SHMT1: variants seen among roughly 807,000 people sequenced by gnomAD.
SHMT1 encodes the protein serine hydroxymethyltransferase, cytosolic.
In SHMT1, 45 loss-of-function variants were observed where a neutral mutation model predicts 49.0. The observed-to-expected ratio is 0.92, with a 90% CI of 0.72 to 1.18. The LOEUF (loss-of-function observed/expected upper bound fraction) is 1.18, where lower values mean the gene tolerates loss of function less well. Among genes scored for constraint, SHMT1 ranks in the 50% most tolerant of loss-of-function variants. SHMT1 has a pLI of 0.00. For missense variants in SHMT1, 541 were observed against 612.4 expected (o/e 0.88, Z 1.23); for synonymous variants, 232 against 246.6 (o/e 0.94, Z 0.55).
At chr17:18,363,230 G>C (rs536262136) in intron 1 of SHMT1, 142 bp downstream of exon 1, 8 of 152,332 alleles carry the variant, frequency 5.3e-5, no homozygotes, top group African/African-American at 1.9e-4. Flanking sequence ...CGACCCAAGC[G>C]CTCCCCTCCC....
At chr17:18,336,508 A>G (rs779193117) in intron 7 of SHMT1, among the ~76,000 whole-genome samples, 10 of 152,074 alleles carry the variant, frequency 6.6e-5, no homozygotes, top group Non-Finnish European at 1.2e-4. Context: ...TCTACTAATA[A>G]TACAAAAATT....
chr17:18,355,753 G>C (rs1986180569), intron 2 of SHMT1, 133 bp downstream of exon 2: 1 of 691,876 alleles, frequency 1.4e-6, no homozygotes, highest in African/African-American at 1.8e-5. Flanking sequence ...TAGCCATTTT[G>C]TCTGCCACCA....
chr17:18,353,450 C>T (rs1337505811), intron 3 of SHMT1: 9 of 591,780 alleles, frequency 1.5e-5, no homozygotes, highest in African/African-American at 1.3e-4. Context: ...AGAAAGCCCC[C>T]AAAGAACTGT....
In SHMT1 at chr17:18,330,714, T is replaced by G. The variant is rs8080285; in HGVS notation, c.1055-43A>C. 30,194 of 1,385,064 alleles carry G rather than the reference T, an allele frequency of 0.022. 2,567 individuals are homozygous for G. The African/African-American group carries it at 0.26, about 12-fold the overall frequency. 85.8% of individuals were successfully genotyped at this position (1,385,064 alleles called of 1,614,324 possible). On this transcript the variant is annotated intron_variant, in intron 9 of 11. Coordinates refer to ENST00000316694, the MANE Select transcript of SHMT1 (RefSeq NM_004169.5). ...CATGTAGAAATGCAGGCGAATTCTATGCCGTGAAGGAATCTCTGAGAAACG... is the reference window on the plus strand; with the variant it reads ...CATGTAGAAATGCAGGCGAATTCTAGGCCGTGAAGGAATCTCTGAGAAACG...
At chr17:18,351,655 T>C (rs935127701) in intron 3 of SHMT1, among the ~76,000 whole-genome samples, 7 of 151,864 alleles carry the variant, frequency 4.6e-5, no homozygotes, top group Non-Finnish European at 8.8e-5. Flanking sequence ...GTGCCTATAG[T>C]CCCAGCTACT....
chr17:18,333,054 T>C, intron 9 of SHMT1, 112 bp downstream of exon 9: 1 of 1,372,170 alleles, frequency 7.3e-7, no homozygotes. Context: ...GGTGGGCCCA[T>C]CATTGCAGCT....
intron 5 of SHMT1, among the ~76,000 whole-genome samples, chr17:18,345,893 G>C (rs1478316078): frequency 6.6e-6 from 1 of 151,960 alleles, no homozygotes; most frequent in Admixed American, 6.6e-5. Context: ...TGTTGGCCAG[G>C]CTGGTCTCGA....
Position 18,360,794 on chromosome 17 carries a change from C to T in SHMT1, c.-20+2578G>A, listed in dbSNP as rs140322564. Among the ~76,000 whole-genome samples the T allele has an allele frequency of 9.2e-5, 14 of 152,184 alleles. No individual in the cohort carries two copies. In the East Asian group the frequency reaches 9.7e-4, roughly 11 times the overall value. On this transcript the variant is annotated intron_variant, in intron 1 of 11. Transcript: ENST00000316694. ...CCAAGGGTCAGAAATCAGGCTTGCACACCTGAAGTCTGGGGAGTCACAGGA... is the reference window on the plus strand; with the variant it reads ...CCAAGGGTCAGAAATCAGGCTTGCATACCTGAAGTCTGGGGAGTCACAGGA...
intron 2 of SHMT1, among the ~76,000 whole-genome samples, chr17:18,354,762 G>C (rs1039486246): frequency 2.7e-4 from 41 of 151,930 alleles, no homozygotes; most frequent in Middle Eastern, 3.4e-3. Context: ...GCTTTAGGCC[G>C]GGCGTGGTGG....
rs1339952871 is a variant in SHMT1 at position 18,347,923 on chromosome 17, T to A, written c.359-267A>T. On this transcript the variant is annotated intron_variant, in intron 4 of 11. Transcript: ENST00000316694. ...TCTTTTATTTATGGCAGTTTTTTTT[T>A]TTTTTTTTTTTGAGATGGAGTTTCG... Among the ~76,000 whole-genome samples, 3 of 150,888 alleles carry A rather than the reference T, an allele frequency of 2.0e-5. No individual in the cohort carries two copies. In the East Asian group the frequency reaches 5.8e-4, roughly 29 times the overall value.
chr17:18,353,901 G>C, intron 2 of SHMT1, 84 bp from the exon 3 acceptor site: 2 of 1,161,066 alleles, frequency 1.7e-6, no homozygotes. Flanking sequence ...CTCCTAAAGA[G>C]AAAAGACACT....
intron 3 of SHMT1, among the ~76,000 whole-genome samples, chr17:18,349,144 G>A (rs1296240167): frequency 2.0e-5 from 3 of 152,168 alleles, no homozygotes; most frequent in Admixed American, 6.6e-5. Flanking sequence ...CTTAGGCTGG[G>A]CATGGTGGCT....
chr17:18,363,221 G>C (rs1208127384), intron 1 of SHMT1, 151 bp downstream of exon 1: 1 of 152,198 alleles, frequency 6.6e-6, no homozygotes, highest in Non-Finnish European at 1.5e-5. Context: ...GCCCAGGCGC[G>C]ACCCAAGCGC....
chr17:18,362,707 G>A (rs1207756604), intron 1 of SHMT1, among the ~76,000 whole-genome samples: 1 of 152,230 alleles, frequency 6.6e-6, no homozygotes. Flanking sequence ...CCGCATCTGT[G>A]CTGACCTCAG....
At chr17:18,333,591 G>C (rs566055229) in intron 8 of SHMT1, among the ~76,000 whole-genome samples, 2 of 151,198 alleles carry the variant, frequency 1.3e-5, no homozygotes, top group Non-Finnish European at 2.9e-5. Flanking sequence ...TCGGCATCCC[G>C]AACAGCTGGG....
intron 2 of SHMT1, among the ~76,000 whole-genome samples, chr17:18,354,307 T>TACTC (rs1284009633): frequency 6.6e-6 from 1 of 152,056 alleles, no homozygotes; most frequent in Non-Finnish European, 1.5e-5. Flanking sequence ...TAATCCCAGC[T>TACTC]ACTCGGGAGG....
chr17:18,354,333 C>A (rs566227755), intron 2 of SHMT1, among the ~76,000 whole-genome samples: 1 of 152,284 alleles, frequency 6.6e-6, no homozygotes, highest in South Asian at 2.1e-4. Context: ...GCAGGAGAAT[C>A]ACTTGAACCC....
In SHMT1 at chr17:18,352,070, T is replaced by A. The variant is rs1985766848; in HGVS notation, c.242+1602A>T. Among the ~76,000 whole-genome samples, 5 of 151,900 alleles carry A rather than the reference T, an allele frequency of 3.3e-5. No individual in the cohort carries two copies. The South Asian group carries it at 8.3e-4, about 25-fold the overall frequency. On this transcript the variant is annotated intron_variant, in intron 3 of 11. Coordinates refer to ENST00000316694, the MANE Select transcript of SHMT1 (RefSeq NM_004169.5). ...TATATTGCCCAGGCTGGTCTCAAATTCCTAGCCTCAAATGATCCTCTGCCC... is the reference window on the plus strand; with the variant it reads ...TATATTGCCCAGGCTGGTCTCAAATACCTAGCCTCAAATGATCCTCTGCCC...
intron 11 of SHMT1, 119 bp from the exon 12 acceptor site, chr17:18,329,038 G>C (rs1335744392): frequency 1.5e-6 from 2 of 1,296,820 alleles, no homozygotes; most frequent in African/African-American, 2.9e-5. Context: ...CAGGGCACAA[G>C]GTCTCCATGC....
Sources: allele counts gnomAD v4.1 joint callset (sites outside exome capture counted in the v4.1 genomes callset), GRCh38; gene constraint gnomAD v4.1.1; transcripts MANE v1.5; gene names NCBI Gene and HGNC (gene_info 2026-07-23, HGNC 2026-07-21).